Variants in TXLNB observed in about 807,000 individuals in gnomAD.
TXLNB encodes taxilin beta, also known as beta-taxilin.
In TXLNB, 37 loss-of-function variants were observed where a neutral mutation model predicts 57.4. The ratio of observed to expected loss-of-function variants is 0.64; its 90% CI spans 0.50 to 0.85. The LOEUF is 0.85. Ranked by LOEUF, TXLNB falls within the 40% of genes least tolerant of loss-of-function variation. TXLNB has a pLI of 0.00. For synonymous variants in TXLNB, 302 were observed against 309.6 expected, an observed-to-expected ratio of 0.98 and a Z score of 0.26; for missense variants, 848 against 825.6, an observed-to-expected ratio of 1.03 and a Z score of -0.33.
chr6:139,235,386 T>A (rs1444708306), downstream of TXLNB, among the ~76,000 whole-genome samples: 1 of 152,176 alleles, frequency 6.6e-6, no homozygotes, highest in Non-Finnish European at 1.5e-5. Context: ...GACTTTGGAC[T>A]TTTGGGTTAA....
At chr6:139,169,462 A>G in the TXLNB span, 3 of 152,164 alleles carry the variant, frequency 2.0e-5, no homozygotes, top group Non-Finnish European at 4.4e-5. Flanking sequence ...TTCTTGTGCT[A>G]CCTTTGTGAG....
the TXLNB span, among the ~76,000 whole-genome samples, chr6:139,196,181 A>G: frequency 6.6e-6 from 1 of 152,246 alleles, no homozygotes; most frequent in Admixed American, 6.5e-5. Context: ...TAAGCCATAT[A>G]ATAAATCTTC....
chr6:139,208,617 G>A, the TXLNB span, among the ~76,000 whole-genome samples: 1 of 152,166 alleles, frequency 6.6e-6, no homozygotes, highest in Non-Finnish European at 1.5e-5. Context: ...TTTCATATGG[G>A]TTTACAGGGA....
chr6:139,200,384 C>T, the TXLNB span, among the ~76,000 whole-genome samples: 2 of 152,086 alleles, frequency 1.3e-5, no homozygotes, highest in Admixed American at 1.3e-4. Context: ...ATAAGAGTAC[C>T]CATAGGGTGA....
intron 7 of TXLNB, among the ~76,000 whole-genome samples, chr6:139,249,949 G>C (rs57493693): frequency 6.6e-6 from 1 of 151,762 alleles, no homozygotes. Flanking sequence ...TACACACACA[G>C]AGAGACACAC....
the TXLNB span, among the ~76,000 whole-genome samples, chr6:139,184,888 T>G: frequency 0.021 from 3,226 of 152,348 alleles, 118 homozygotes; most frequent in African/African-American, 0.073. Flanking sequence ...ATGTTTCTCT[T>G]AAGGAATGAC....
At chr6:139,300,882 G>A in the TXLNB span, among the ~76,000 whole-genome samples, 1 of 152,120 alleles carries the variant, frequency 6.6e-6, no homozygotes. Context: ...GTGACACAGC[G>A]AGACTCCATC....
chr6:139,260,357 C>T lies in TXLNB; in HGVS notation c.963G>A (p.Met321Ile), dbSNP rs139476296. The T allele has an allele frequency of 2.5e-6, 4 of 1,614,070 alleles. No homozygotes were observed. In the African/African-American group the frequency reaches 5.3e-5, roughly 22 times the overall value. ...DAKLEQAQEM[M>I]KEAEERHKRE... is the part of the protein sequence containing the mutation. ...GTTTGTGTCGCTCCTCCGCTTCCTT[C>T]ATCATTTCTTGGGCCTGCTCAAGCT... Residue 321 changes from methionine (M) to isoleucine (I), a missense_variant, in exon 6 of 10, where the codon ATG becomes ATA. By Grantham distance (10) the Met-to-Ile change is conservative. Coordinates refer to ENST00000358430, the MANE Select transcript of TXLNB (RefSeq NM_153235.4).
At chr6:139,194,066 C>T in the TXLNB span, among the ~76,000 whole-genome samples, 3 of 151,676 alleles carry the variant, frequency 2.0e-5, no homozygotes, top group Non-Finnish European at 4.4e-5. Flanking sequence ...TGGTCTCGAT[C>T]TCCTGACCTC....
the TXLNB span, chr6:139,203,567 TC>T: frequency 6.6e-6 from 1 of 152,374 alleles, no homozygotes; most frequent in African/African-American, 2.4e-5. Flanking sequence ...TGGCTTTTTT[TC>T]CCCTACCTCT....
chr6:139,277,508 C>A (rs771660787), intron 2 of TXLNB, among the ~76,000 whole-genome samples: 1 of 152,050 alleles, frequency 6.6e-6, no homozygotes, highest in Non-Finnish European at 1.5e-5. Flanking sequence ...CATTCCCTGG[C>A]GTTGGAGTGG....
At chr6:139,201,649 A>G in the TXLNB span, 21 of 152,336 alleles carry the variant, frequency 1.4e-4, no homozygotes, top group African/African-American at 5.1e-4. Flanking sequence ...GTCTTTTGAC[A>G]CTTCTCTAAT....
At chr6:139,166,784 G>T in the TXLNB span, 2 of 1,613,524 alleles carry the variant, frequency 1.2e-6, no homozygotes, top group Non-Finnish European at 1.7e-6. Context: ...AGTGGGTGCC[G>T]CAGCCTACGG....
In TXLNB at chr6:139,242,546, T is replaced by G; in HGVS notation, c.2035A>C (p.Asn679His). Residue 679 changes from asparagine to histidine, a missense_variant, in exon 10 of 10, where the codon AAT becomes CAT. By Grantham distance (68) the Asn-to-His change is moderately conservative. Coordinates refer to ENST00000358430, the MANE Select transcript of TXLNB (RefSeq NM_153235.4). ...GPQPRNVADT[N>H]LEGVD ...GAGGCTTAGTCGACGCCTTCCAGAT[T>G]GGTGTCAGCCACGTTGCGCGGCTGG... 1 of 1,503,836 alleles carries G rather than the reference T, an allele frequency of 6.6e-7. No individual in the cohort carries two copies. The highest frequency in any genetic ancestry group is 8.9e-7 in the Non-Finnish European group (1 of 1,128,246). 93.2% of individuals were successfully genotyped at this position (1,503,836 alleles called of 1,614,324 possible). A position where few individuals can be genotyped will look rare whatever the true frequency, so the allele number is the denominator to read the frequency against.
the TXLNB span, among the ~76,000 whole-genome samples, chr6:139,319,204 A>G: frequency 6.6e-6 from 1 of 151,324 alleles, no homozygotes; most frequent in Non-Finnish European, 1.5e-5. Flanking sequence ...GGCCTCCTAA[A>G]GTGCTGGGAT....
At chr6:139,266,986 C>T (rs1013527061) in intron 4 of TXLNB, among the ~76,000 whole-genome samples, 1 of 133,512 alleles carries the variant, frequency 7.5e-6, no homozygotes, top group East Asian at 2.1e-4. Context: ...AAAAAACCCA[C>T]GAATAGGTTC....
chr6:139,275,562 G>A (rs183320626), intron 3 of TXLNB, among the ~76,000 whole-genome samples: 7 of 152,290 alleles, frequency 4.6e-5, no homozygotes, highest in African/African-American at 1.7e-4. Context: ...TAAAAATACT[G>A]TTGGCAGGGT....
chr6:139,294,525 T>G (rs188079035), upstream of TXLNB, among the ~76,000 whole-genome samples: 165 of 152,140 alleles, frequency 1.1e-3, 1 homozygote, highest in African/African-American at 3.8e-3. Flanking sequence ...AGGGTAGAGC[T>G]TTTATGAATG....
the TXLNB span, among the ~76,000 whole-genome samples, chr6:139,187,025 C>G: frequency 3.3e-5 from 5 of 152,150 alleles, no homozygotes; most frequent in Non-Finnish European, 7.3e-5. Flanking sequence ...GATGTGTTCA[C>G]TGTCTTGATT....
Sources: gnomAD v4.1 joint callset for allele counts (sites outside exome capture counted in the v4.1 genomes callset) on GRCh38, gnomAD v4.1.1 for gene constraint, MANE v1.5 for transcripts, NCBI Gene and HGNC (gene_info 2026-07-23, HGNC 2026-07-21) for gene names.